Variants in FSIP1 observed in about 807,000 individuals in gnomAD.
The protein encoded by FSIP1 is fibrous sheath-interacting protein 1.
Under a neutral mutation model 60.9 loss-of-function variants are expected in FSIP1, and 65 were observed. That is an observed-to-expected ratio of 1.07 (90% CI 0.87 to 1.31). The LOEUF (loss-of-function observed/expected upper bound fraction) is 1.31, where lower values mean the gene tolerates loss of function less well. FSIP1 is among the 40% of genes most tolerant of loss of function. The pLI is 0.00. For synonymous variants in FSIP1, 209 were observed against 221.2 expected, an observed-to-expected ratio of 0.94 and a Z score of 0.49; for missense variants, 675 against 665.5, an observed-to-expected ratio of 1.01 and a Z score of -0.16.
chr15:39,710,436 T>C (rs1895453645), intron 10 of FSIP1, among the ~76,000 whole-genome samples: 1 of 137,090 alleles, frequency 7.3e-6, no homozygotes, highest in Non-Finnish European at 1.5e-5. Flanking sequence ...TGATACTCTG[T>C]CTCAGAAAAA....
chr15:39,774,771 G>C (rs551632803), intron 2 of FSIP1, among the ~76,000 whole-genome samples: 1 of 152,322 alleles, frequency 6.6e-6, no homozygotes, highest in African/African-American at 2.4e-5. Context: ...CTGATAGGAA[G>C]CTGGCAGAAA....
intron 10 of FSIP1, among the ~76,000 whole-genome samples, chr15:39,679,737 C>T (rs78908982): frequency 0.016 from 2,472 of 152,198 alleles, 58 homozygotes; most frequent in African/African-American, 0.057. Context: ...AATGATTATT[C>T]AATGCAAAAA....
chr15:39,654,742 A>G (rs1893006908), intron 10 of FSIP1, among the ~76,000 whole-genome samples: 2 of 152,224 alleles, frequency 1.3e-5, no homozygotes. Context: ...AGTCAGGAAG[A>G]CCTGTGACCC....
At chr15:39,767,018 A>T (rs77786437) in intron 3 of FSIP1, among the ~76,000 whole-genome samples, 1,601 of 152,116 alleles carry the variant, frequency 0.011, 15 homozygotes, top group African/African-American at 0.015. Context: ...ATAATTTTTT[A>T]AAAAAATTTT....
chr15:39,723,045 A>G (rs900163582), intron 9 of FSIP1, among the ~76,000 whole-genome samples: 5 of 152,202 alleles, frequency 3.3e-5, no homozygotes, highest in African/African-American at 1.2e-4. Context: ...CACTTATAAT[A>G]ACATAATTGG....
intron 5 of FSIP1, among the ~76,000 whole-genome samples, chr15:39,755,989 T>TA (rs570102645): frequency 6.6e-6 from 1 of 152,104 alleles, no homozygotes; most frequent in South Asian, 2.1e-4. Context: ...AACATGCCTC[T>TA]AAAAAAACCC....
intron 5 of FSIP1, among the ~76,000 whole-genome samples, chr15:39,760,556 A>G (rs1387113336): frequency 1.3e-5 from 2 of 152,198 alleles, no homozygotes; most frequent in Non-Finnish European, 2.9e-5. Context: ...TAATCATGAG[A>G]AAACATCACA....
intron 10 of FSIP1, among the ~76,000 whole-genome samples, chr15:39,712,056 T>A (rs1895538359): frequency 6.6e-6 from 1 of 151,884 alleles, no homozygotes; most frequent in Admixed American, 6.6e-5. Context: ...GAAATAGAGG[T>A]CTCCCTGAAA....
intron 8 of FSIP1, among the ~76,000 whole-genome samples, chr15:39,728,850 C>T (rs1896297866): frequency 6.6e-6 from 1 of 152,048 alleles, no homozygotes; most frequent in African/African-American, 2.4e-5. Flanking sequence ...ATTTGTAAAC[C>T]ATGCATTCAA....
rs570419593 is a variant in FSIP1, at chr15:39,704,080, G to A, written c.1188+9364C>T. 1.2e-4 allele frequency among the ~76,000 whole-genome samples: 18 copies of A among 152,140 alleles called. 1 individual carries two copies. The highest frequency in any genetic ancestry group is 1.9e-4 in the East Asian group (1 of 5,186). ...TGATTAAGAGAACAAATTTTTTAAC[G>A]TTTCTCTGTTAATGTACAAATCTCA... On this transcript the variant is annotated intron_variant, in intron 10 of 11. Transcript: ENST00000350221.
At chr15:39,710,441 G>GAAA (rs397945950) in intron 10 of FSIP1, among the ~76,000 whole-genome samples, 4 of 74,230 alleles carry the variant, frequency 5.4e-5, no homozygotes, top group Non-Finnish European at 8.9e-5. Flanking sequence ...CTCTGTCTCA[G>GAAA]AAAAAAAAAA....
At chr15:39,700,765 G>A (rs1452979505) in intron 10 of FSIP1, among the ~76,000 whole-genome samples, 2 of 152,156 alleles carry the variant, frequency 1.3e-5, no homozygotes, top group Non-Finnish European at 2.9e-5. Context: ...GTTACACAAC[G>A]ATTCTTGAGC....
At chr15:39,758,823 T>C (rs1897387857) in intron 5 of FSIP1, among the ~76,000 whole-genome samples, 1 of 152,092 alleles carries the variant, frequency 6.6e-6, no homozygotes, top group South Asian at 2.1e-4. Context: ...AATAGAGTGG[T>C]ATTAACATCA....
At chr15:39,710,715 A>T (rs1895472051) in intron 10 of FSIP1, among the ~76,000 whole-genome samples, 1 of 152,190 alleles carries the variant, frequency 6.6e-6, no homozygotes, top group African/African-American at 2.4e-5. Context: ...TTTGAATCCT[A>T]CCTCCTCCAC....
chr15:39,701,345 AAAT>A lies in FSIP1; in HGVS notation c.1188+12096_1188+12098del, dbSNP rs139182791. ...AAAAAAATCCACCTTATTGGCAAAA[AAAT>A]AATATTCTTGCACATGTAGGTTGTG... On this transcript the variant is annotated intron_variant, in intron 10 of 11. Coordinates refer to ENST00000350221, the MANE Select transcript of FSIP1 (RefSeq NM_152597.5). 7.8e-3 allele frequency among the ~76,000 whole-genome samples: 1,190 copies of A among 152,302 alleles called. 19 individuals are homozygous for A. The highest frequency in any genetic ancestry group is 0.028 in the African/African-American group (1,146 of 41,574).
chr15:39,682,546 C>T (rs570320412), intron 10 of FSIP1, among the ~76,000 whole-genome samples: 1 of 152,298 alleles, frequency 6.6e-6, no homozygotes, highest in South Asian at 2.1e-4. Flanking sequence ...GCTGGGGCTC[C>T]CCGGATGAGG....
chr15:39,685,348 A>G (rs760879241), intron 10 of FSIP1, among the ~76,000 whole-genome samples: 8 of 152,238 alleles, frequency 5.3e-5, no homozygotes, highest in Non-Finnish European at 1.0e-4. Flanking sequence ...AATAGATACC[A>G]AAACAAGACT....
At chr15:39,680,602 T>C (rs1212817846) in intron 10 of FSIP1, among the ~76,000 whole-genome samples, 1 of 152,188 alleles carries the variant, frequency 6.6e-6, no homozygotes. Flanking sequence ...AAATAGTAGA[T>C]ACATGAGCAT....
intron 8 of FSIP1, among the ~76,000 whole-genome samples, chr15:39,727,512 C>CTACT: frequency 6.6e-6 from 1 of 152,296 alleles, no homozygotes; most frequent in South Asian, 2.1e-4. Flanking sequence ...AAAACTGGAA[C>CTACT]TACTGACAGC....
Sources: gnomAD v4.1 joint callset for allele counts (sites outside exome capture counted in the v4.1 genomes callset) on GRCh38, gnomAD v4.1.1 for gene constraint, MANE v1.5 for transcripts, NCBI Gene and HGNC (gene_info 2026-07-23, HGNC 2026-07-21) for gene names.